The following SLC24A1 variants were observed in gnomAD, a reference collection of about 807,000 sequenced individuals.
The protein encoded by SLC24A1 is solute carrier family 24 member 1.
In SLC24A1, 52 loss-of-function variants were observed where a neutral mutation model predicts 88.1. The ratio of observed to expected loss-of-function variants is 0.59; its 90% CI spans 0.47 to 0.74. SLC24A1 has a LOEUF of 0.74. Ranked by LOEUF, SLC24A1 falls within the 30% of genes least tolerant of loss-of-function variation. SLC24A1 has a pLI of 0.00. For missense variants in SLC24A1, 1,173 were observed against 1,363.3 expected (o/e 0.86, Z 2.20); for synonymous variants, 455 against 498.0 (o/e 0.91, Z 1.15).
chr15:65,660,388 C>A (rs928279006), downstream of SLC24A1: 21 of 1,216,454 alleles, frequency 1.7e-5, no homozygotes, highest in Non-Finnish European at 2.4e-5. Context: ...CTCCAAGATA[C>A]CTCCAGTCCA....
intron 2 of SLC24A1, among the ~76,000 whole-genome samples, chr15:65,636,805 G>A (rs1185400139): frequency 1.3e-5 from 2 of 151,846 alleles, no homozygotes; most frequent in Non-Finnish European, 2.9e-5. Context: ...GAACCCAGGA[G>A]GGGGAGGTTG....
intron 7 of SLC24A1, 120 bp downstream of exon 7, chr15:65,651,062 T>C: frequency 2.5e-6 from 2 of 814,626 alleles, no homozygotes; most frequent in South Asian, 3.1e-5. Context: ...TTATCAGGGC[T>C]CCACCATTGA....
chr15:65,632,060 G>A (rs2074747274), intron 2 of SLC24A1, among the ~76,000 whole-genome samples: 1 of 152,064 alleles, frequency 6.6e-6, no homozygotes, highest in Non-Finnish European at 1.5e-5. Flanking sequence ...TCGATCTCTT[G>A]ACCTTGTGAT....
intron 2 of SLC24A1, among the ~76,000 whole-genome samples, chr15:65,626,626 A>G (rs1046149876): frequency 2.0e-5 from 3 of 152,170 alleles, no homozygotes; most frequent in African/African-American, 7.2e-5. Context: ...GAGACCAGAC[A>G]CCAGGAGCAC....
rs557366190 is a variant in SLC24A1, at chr15:65,654,541, C to T, written c.*462C>T. On this transcript the variant is annotated 3_prime_UTR_variant, in exon 10 of 10. Transcript: ENST00000261892. Reference sequence around the variant, plus strand: ...AACACACGCTGCAATTTTGTCTCCTCCTTTTCTGTTCAAATTGTGAGGTTC... The same window carrying T: ...AACACACGCTGCAATTTTGTCTCCTTCTTTTCTGTTCAAATTGTGAGGTTC... 3 of 1,186,932 alleles carry T rather than the reference C, an allele frequency of 2.5e-6. No individual in the cohort carries two copies. Among genetic ancestry groups the T allele is most frequent in the Non-Finnish European group, 3.2e-6 (3 of 944,470 alleles). 73.5% of individuals were successfully genotyped at this position (1,186,932 alleles called of 1,614,324 possible).
chr15:65,654,451 C>T lies in SLC24A1; in HGVS notation c.*372C>T. ...TACGCTCACTGTTCCCTGATCATTCCAAAGGCTGCTGGCCCAAAAGATGCA... is the reference window on the plus strand; with the variant it reads ...TACGCTCACTGTTCCCTGATCATTCTAAAGGCTGCTGGCCCAAAAGATGCA... On this transcript the variant is annotated 3_prime_UTR_variant, in exon 10 of 10. Coordinates refer to ENST00000261892, the MANE Select transcript of SLC24A1 (RefSeq NM_004727.3). The T allele has an allele frequency of 8.6e-7, 1 of 1,164,498 alleles. No homozygotes were observed. The highest frequency in any genetic ancestry group is 1.1e-6 in the Non-Finnish European group (1 of 936,036). 72.1% of individuals were successfully genotyped at this position (1,164,498 alleles called of 1,614,324 possible). A position where few individuals can be genotyped will look rare whatever the true frequency, so the allele number is the denominator to read the frequency against.
chr15:65,624,477 A>AC lies in SLC24A1; in HGVS notation c.398dup (p.Ala134SerfsTer16). The AC allele has an allele frequency of 6.2e-7, 1 of 1,609,304 alleles. No individual in the cohort carries two copies. The highest frequency in any genetic ancestry group is 8.5e-7 in the Non-Finnish European group (1 of 1,177,644). On this transcript the variant is annotated frameshift_variant, in exon 2 of 10. Coordinates refer to ENST00000261892, the MANE Select transcript of SLC24A1 (RefSeq NM_004727.3). LOFTEE classifies it high-confidence loss of function. ...AACAACCAAGAATAATTACAGCCCA[A>AC]CAGCAGCAGGTACAGAAAGAAGGAA...
Position 65,625,069 on chromosome 15 carries a change from G to C in SLC24A1, c.989G>C (p.Gly330Ala). 1 of 1,613,746 alleles carries C rather than the reference G, an allele frequency of 6.2e-7. No individual in the cohort carries two copies. The change falls in exon 2 of 10, where the codon GGC (glycine) becomes GCC (alanine). Residue 330 changes from glycine to alanine, a missense_variant. Transcript: ENST00000261892. ...EGQVTISTMT[G>A]SSPAETKAFT... ...CAGGTGACAATAAGCACCATGACAG[G>C]CAGCAGCCCAGCAGAAACCAAAGCC...
intron 4 of SLC24A1, among the ~76,000 whole-genome samples, chr15:65,639,964 C>G (rs899659599): frequency 2.0e-5 from 3 of 152,140 alleles, no homozygotes; most frequent in Non-Finnish European, 4.4e-5. Flanking sequence ...TGCCTCTGTC[C>G]CTCCCTGTAA....
Position 65,651,736 on chromosome 15 carries a change from C to A in SLC24A1, c.2860C>A (p.Leu954Ile). Reference sequence around the variant, plus strand: ...CATGTGGATAGCCATGTTCTCATACCTCATGGTGTGGTGGGCTCACCAGGT... The same window carrying A: ...CATGTGGATAGCCATGTTCTCATACATCATGGTGTGGTGGGCTCACCAGGT... ...SIMWIAMFSY[L>I]MVWWAHQVGE... The change falls in exon 8 of 10, where the codon CTC becomes ATC. Residue 954 changes from leucine (L) to isoleucine (I), a missense_variant. Transcript: ENST00000261892. The A allele has an allele frequency of 6.2e-7, 1 of 1,607,540 alleles. No homozygotes were observed. The highest frequency in any genetic ancestry group is 8.5e-7 in the Non-Finnish European group (1 of 1,174,270).
chr15:65,652,167 C>T (rs1241762791), intron 8 of SLC24A1: 1 of 335,566 alleles, frequency 3.0e-6, no homozygotes, highest in Non-Finnish European at 5.7e-6. Context: ...GCCTGGAATA[C>T]TGAACTGTAA....
At position 65,639,592 on chromosome 15, in the gene SLC24A1, C is replaced by T; in HGVS notation, c.1945-3C>T. On this transcript the variant is annotated splice_polypyrimidine_tract_variant and splice_region_variant and intron_variant, in intron 3 of 9. Transcript: ENST00000261892. ...CCCACTGTGCGGCTCTCCTCTTGCT[C>T]AGCTCCCGTCCTTGCTGACCCGAGG... 2 of 1,600,522 alleles carry T rather than the reference C, an allele frequency of 1.2e-6. No individual in the cohort carries two copies. Among genetic ancestry groups the T allele is most frequent in the East Asian group, 2.3e-5 (1 of 44,138 alleles).
At chr15:65,618,177 T>C (rs1233793160), upstream of SLC24A1, among the ~76,000 whole-genome samples, 1 of 152,246 alleles carries the variant, frequency 6.6e-6, no homozygotes, top group Non-Finnish European at 1.5e-5. Context: ...GACAGAAGTA[T>C]AGACATTCTT....
chr15:65,634,598 C>T (rs1566954275), intron 2 of SLC24A1, among the ~76,000 whole-genome samples: 1 of 151,852 alleles, frequency 6.6e-6, no homozygotes, highest in Non-Finnish European at 1.5e-5. Flanking sequence ...CAGCCACACC[C>T]AAATGTTGAC....
At chr15:65,626,123 T>C (rs937764965) in intron 2 of SLC24A1, among the ~76,000 whole-genome samples, 153 bp downstream of exon 2, 1 of 152,250 alleles carries the variant, frequency 6.6e-6, no homozygotes, top group African/African-American at 2.4e-5. Flanking sequence ...GTACCTGTTC[T>C]CTGCCAGGCA....
At chr15:65,634,207 C>T (rs762163220) in intron 2 of SLC24A1, among the ~76,000 whole-genome samples, 5 of 151,372 alleles carry the variant, frequency 3.3e-5, no homozygotes, top group Non-Finnish European at 7.4e-5. Context: ...GTTGAATGAA[C>T]GTTAAAAAAA....
intron 7 of SLC24A1, 137 bp from the exon 8 acceptor site, chr15:65,651,533 C>T (rs2075505213): frequency 1.6e-6 from 1 of 632,774 alleles, no homozygotes; most frequent in Non-Finnish European, 2.9e-6. Flanking sequence ...AGAGAGAGCT[C>T]TCAGGTCAAA....
chr15:65,645,500 T>G, intron 5 of SLC24A1, 112 bp from the exon 6 acceptor site: 1 of 800,002 alleles, frequency 1.3e-6, no homozygotes, highest in Non-Finnish European at 2.1e-6. Context: ...CAAATAAACC[T>G]TCAGAAACCC....
At chr15:65,633,568 G>A (rs1319265911) in intron 2 of SLC24A1, among the ~76,000 whole-genome samples, 1 of 152,104 alleles carries the variant, frequency 6.6e-6, no homozygotes, top group East Asian at 1.9e-4. Context: ...GCTGAGGCAG[G>A]AGAATCGCTT....
Sources: gnomAD v4.1 joint callset for allele counts (sites outside exome capture counted in the v4.1 genomes callset) on GRCh38, gnomAD v4.1.1 for gene constraint, MANE v1.5 for transcripts, NCBI Gene and HGNC (gene_info 2026-07-23, HGNC 2026-07-21) for gene names.